Variants in EPB41 observed in about 807,000 individuals in gnomAD.
EPB41 encodes protein 4.1.
A neutral mutation model predicts 108.0 loss-of-function variants in EPB41; 65 were observed. The observed-to-expected ratio is 0.60, with a 90% CI of 0.49 to 0.74. The LOEUF (loss-of-function observed/expected upper bound fraction) is 0.74, where lower values mean the gene tolerates loss of function less well. Ranked by LOEUF, EPB41 falls within the 30% of genes least tolerant of loss-of-function variation. The pLI is 0.00. For synonymous variants in EPB41, 336 were observed against 358.9 expected, an observed-to-expected ratio of 0.94 and a Z score of 0.72; for missense variants, 875 against 1,037.0, an observed-to-expected ratio of 0.84 and a Z score of 2.15.
At chr1:29,039,790 G>A (rs1294731618) in intron 11 of EPB41, among the ~76,000 whole-genome samples, 1 of 152,108 alleles carries the variant, frequency 6.6e-6, no homozygotes, top group Non-Finnish European at 1.5e-5. Context: ...CTCCAGCCTG[G>A]CTGACAGAGT....
intron 4 of EPB41, among the ~76,000 whole-genome samples, chr1:29,006,183 A>G (rs1420624336): frequency 6.6e-6 from 1 of 152,064 alleles, no homozygotes; most frequent in African/African-American, 2.4e-5. Context: ...ACTGCATATT[A>G]GCTTAACATA....
chr1:29,007,005 T>C (rs1342240479), intron 4 of EPB41, among the ~76,000 whole-genome samples: 1 of 152,186 alleles, frequency 6.6e-6, no homozygotes, highest in African/African-American at 2.4e-5. Context: ...GTGTCTTCTC[T>C]TAGGTAGGGT....
At chr1:29,015,220 T>C (rs1425111348) in intron 5 of EPB41, among the ~76,000 whole-genome samples, 1 of 152,034 alleles carries the variant, frequency 6.6e-6, no homozygotes, top group Non-Finnish European at 1.5e-5. Flanking sequence ...AAAAATTGCT[T>C]TATCCACCAA....
At chr1:29,036,010 A>T (rs932675874) in intron 10 of EPB41, 87 bp downstream of exon 10, 8 of 960,026 alleles carry the variant, frequency 8.3e-6, no homozygotes, top group Admixed American at 5.8e-5. Context: ...CTTTCATTGT[A>T]TGACTGGCAC....
At chr1:28,888,522 A>G (rs1241877968) in intron 1 of EPB41, among the ~76,000 whole-genome samples, 1 of 152,230 alleles carries the variant, frequency 6.6e-6, no homozygotes, top group Non-Finnish European at 1.5e-5. Context: ...AGGAGCACCT[A>G]CTGGGAACAC....
chr1:29,011,668 A>G (rs1427879675), intron 4 of EPB41, among the ~76,000 whole-genome samples, 197 bp from the exon 5 acceptor site: 1 of 152,240 alleles, frequency 6.6e-6, no homozygotes, highest in Non-Finnish European at 1.5e-5. Context: ...AGTGGAGCTA[A>G]TATTCAACCC....
At chr1:28,897,355 C>T (rs185243567) in intron 1 of EPB41, among the ~76,000 whole-genome samples, 5 of 151,894 alleles carry the variant, frequency 3.3e-5, no homozygotes, top group African/African-American at 9.7e-5. Flanking sequence ...TCAACACAAG[C>T]CTAGGGAACA....
intron 1 of EPB41, chr1:28,889,952 C>G (rs1005281942): frequency 2.9e-6 from 1 of 343,036 alleles, no homozygotes; most frequent in African/African-American, 2.2e-5. Context: ...TATGACAGTT[C>G]CTGGGGATAG....
At chr1:28,990,333 T>TTCCTTCCC (rs1162241720) in intron 2 of EPB41, among the ~76,000 whole-genome samples, 7 of 127,234 alleles carry the variant, frequency 5.5e-5, no homozygotes, top group South Asian at 2.7e-4. Context: ...CCTTCCTTCC[T>TTCCTTCCC]TCCCTCCCTC....
chr1:28,951,359 C>T (rs1012338856), intron 1 of EPB41, among the ~76,000 whole-genome samples: 4 of 125,518 alleles, frequency 3.2e-5, no homozygotes, highest in African/African-American at 1.5e-4. Flanking sequence ...TACCCTGTGT[C>T]TTACACACAC....
At chr1:28,945,370 G>GTA (rs772964553) in intron 1 of EPB41, among the ~76,000 whole-genome samples, 17 of 152,100 alleles carry the variant, frequency 1.1e-4, no homozygotes, top group Non-Finnish European at 2.1e-4. Context: ...TAAAGACGGT[G>GTA]TATATTCTCT....
chr1:28,986,700 C>T (rs545107495), intron 1 of EPB41, among the ~76,000 whole-genome samples: 3 of 151,706 alleles, frequency 2.0e-5, no homozygotes, highest in Admixed American at 1.3e-4. Flanking sequence ...GAGGCAGAGG[C>T]GGGAGGATAG....
intron 12 of EPB41, 171 bp downstream of exon 12, chr1:29,053,483 G>T: frequency 1.3e-6 from 1 of 770,970 alleles, no homozygotes; most frequent in Non-Finnish European, 2.2e-6. Context: ...TATTTTCGTA[G>T]AGTTATGTCA....
At chr1:29,088,299 G>A (rs568123673) in intron 16 of EPB41, among the ~76,000 whole-genome samples, 5 of 152,006 alleles carry the variant, frequency 3.3e-5, no homozygotes, top group East Asian at 3.9e-4. Flanking sequence ...CACCCGCCTC[G>A]GCCTCCCAAA....
At chr1:28,929,366 C>T (rs1188850720) in intron 1 of EPB41, among the ~76,000 whole-genome samples, 2 of 147,832 alleles carry the variant, frequency 1.4e-5, no homozygotes, top group East Asian at 4.0e-4. Flanking sequence ...GCTGGAACTA[C>T]GGGTGCCTGC....
chr1:28,939,632 G>A (rs193023461), intron 1 of EPB41, among the ~76,000 whole-genome samples: 3 of 152,000 alleles, frequency 2.0e-5, no homozygotes, highest in East Asian at 3.9e-4. Context: ...TAGTAGAGAC[G>A]GGGTTTCACC....
In EPB41 at chr1:29,091,208, C is replaced by A. The variant is rs185167987; in HGVS notation, c.2185-6599C>A. ...GACAGACTACTACTTATCACTTGAACAAACTGGCACAAAATTGGCTCTTAC... is the reference window on the plus strand; with the variant it reads ...GACAGACTACTACTTATCACTTGAAAAAACTGGCACAAAATTGGCTCTTAC... On this transcript the variant is annotated intron_variant, in intron 16 of 20. Coordinates refer to ENST00000343067, the MANE Select transcript of EPB41 (RefSeq NM_001376013.1). Among the ~76,000 whole-genome samples, 495 of 152,260 alleles carry A rather than the reference C, an allele frequency of 3.3e-3. 2 individuals carry two copies. Among genetic ancestry groups the A allele is most frequent in the Admixed American group, 9.3e-3 (142 of 15,290 alleles).
intron 1 of EPB41, among the ~76,000 whole-genome samples, chr1:28,933,461 G>A (rs1166771790): frequency 2.0e-5 from 3 of 152,128 alleles, no homozygotes; most frequent in South Asian, 4.1e-4. Context: ...CACTGTGATT[G>A]GATTTGGAAC....
In EPB41 at chr1:29,112,467, T is replaced by C; in HGVS notation, c.2496+19T>C. 1 of 1,607,722 alleles carries C rather than the reference T, an allele frequency of 6.2e-7. No individual in the cohort carries two copies. On this transcript the variant is annotated intron_variant, in intron 19 of 20. Coordinates refer to ENST00000343067, the MANE Select transcript of EPB41 (RefSeq NM_001376013.1). ...TGATCAGGTGGGAATGTTGAAGAGA[T>C]CTGGGCCTGGGAGGGGTCCCTGGGC...
Sources: gnomAD v4.1 joint callset for allele counts (sites outside exome capture counted in the v4.1 genomes callset) on GRCh38, gnomAD v4.1.1 for gene constraint, MANE v1.5 for transcripts, NCBI Gene and HGNC (gene_info 2026-07-23, HGNC 2026-07-21) for gene names.